Variants in CTNND2 observed in about 807,000 individuals in gnomAD.
The protein encoded by CTNND2 is catenin delta 2.
A neutral mutation model predicts 144.4 loss-of-function variants in CTNND2; 22 were observed. The ratio of observed to expected loss-of-function variants is 0.15; its 90% CI spans 0.11 to 0.22. CTNND2 has a LOEUF of 0.22. Ranked by LOEUF, CTNND2 falls within the 10% of genes least tolerant of loss-of-function variation. The pLI is 1.00. For synonymous variants in CTNND2, 751 were observed against 695.6 expected (o/e 1.08, Z -1.25); for missense variants, 1,353 against 1,618.8 (o/e 0.84, Z 2.82).
chr5:11,143,199 G>A (rs940268757), intron 12 of CTNND2, among the ~76,000 whole-genome samples: 19 of 152,254 alleles, frequency 1.2e-4, no homozygotes, highest in African/African-American at 4.6e-4. Context: ...TCTGGGAAAG[G>A]TGAACCTCTT....
chr5:11,711,668 A>G (rs1175895537), intron 2 of CTNND2, among the ~76,000 whole-genome samples: 1 of 152,230 alleles, frequency 6.6e-6, no homozygotes, highest in African/African-American at 2.4e-5. Context: ...AAACTGACGC[A>G]CAGAGAGGTT....
intron 3 of CTNND2, among the ~76,000 whole-genome samples, chr5:11,558,617 G>T (rs749977140): frequency 1.3e-5 from 2 of 152,096 alleles, no homozygotes; most frequent in South Asian, 4.1e-4. Flanking sequence ...CAATCCACCT[G>T]CTTTGGTCTC....
chr5:11,599,339 T>A (rs1473380537), intron 2 of CTNND2, among the ~76,000 whole-genome samples: 9 of 152,230 alleles, frequency 5.9e-5, no homozygotes, highest in Non-Finnish European at 8.8e-5. Flanking sequence ...GGAGGAAAGT[T>A]AACTATTCTA....
intron 2 of CTNND2, among the ~76,000 whole-genome samples, chr5:11,602,379 T>C (rs2126335283): frequency 6.6e-6 from 1 of 151,866 alleles, no homozygotes; most frequent in East Asian, 1.9e-4. Flanking sequence ...TTCAGGCAAG[T>C]TCCCCATGGA....
intron 11 of CTNND2, among the ~76,000 whole-genome samples, chr5:11,190,463 TCTAA>T (rs1304187223): frequency 6.6e-6 from 1 of 152,162 alleles, no homozygotes; most frequent in South Asian, 2.1e-4. Context: ...GGTAGATAAG[TCTAA>T]CTAATTCTGG....
chr5:11,830,856 T>C (rs538381615), intron 1 of CTNND2, among the ~76,000 whole-genome samples: 1 of 152,272 alleles, frequency 6.6e-6, no homozygotes, highest in Admixed American at 6.5e-5. Flanking sequence ...TCCACAGACC[T>C]CTGGAATCTT....
chr5:11,810,846 C>T (rs1029957700), intron 1 of CTNND2, among the ~76,000 whole-genome samples: 20 of 151,532 alleles, frequency 1.3e-4, no homozygotes, highest in African/African-American at 4.4e-4. Flanking sequence ...CACCTGGTGT[C>T]GGCACTTAAG....
At chr5:11,851,856 C>G (rs1020053805) in intron 1 of CTNND2, among the ~76,000 whole-genome samples, 2 of 152,178 alleles carry the variant, frequency 1.3e-5, no homozygotes, top group Non-Finnish European at 2.9e-5. Context: ...ATATTTTAAT[C>G]AGCAGTTAGG....
intron 2 of CTNND2, among the ~76,000 whole-genome samples, chr5:11,668,464 T>G (rs560104657): frequency 7.9e-5 from 12 of 152,376 alleles, no homozygotes; most frequent in Admixed American, 7.2e-4. Flanking sequence ...TAGTTCTCCT[T>G]GAAGAGGTCC....
At position 11,582,144 on chromosome 5, in the gene CTNND2, A is replaced by C. The variant is rs540124265; in HGVS notation, c.175-17088T>G. On this transcript the variant is annotated intron_variant, in intron 2 of 21. Coordinates refer to ENST00000304623, the MANE Select transcript of CTNND2 (RefSeq NM_001332.4). ...TGCATTACAGCTACAGTATACCCTA[A>C]CTTGGCACTGGGAAGCCCCTGTATG... is the stretch of plus-strand genomic sequence containing the variant. Among the ~76,000 whole-genome samples, 47 of 152,160 alleles carry C rather than the reference A, an allele frequency of 3.1e-4. 1 individual carries two copies. Among genetic ancestry groups the C allele is most frequent in the Non-Finnish European group, 6.3e-4 (43 of 68,022 alleles).
chr5:11,200,938 CA>C (rs1213322267), intron 10 of CTNND2, among the ~76,000 whole-genome samples: 1 of 152,190 alleles, frequency 6.6e-6, no homozygotes, highest in Non-Finnish European at 1.5e-5. Flanking sequence ...CTCAGCCTCC[CA>C]AAGTGTTGGG....
chr5:11,740,606 A>AT (rs1787946392), intron 1 of CTNND2, among the ~76,000 whole-genome samples: 1 of 152,208 alleles, frequency 6.6e-6, no homozygotes. Context: ...AACCTAGGCA[A>AT]TACCATTCAG....
chr5:11,341,740 GCTCATGCTTGCAA>G (rs373432649), intron 9 of CTNND2, among the ~76,000 whole-genome samples: 28 of 152,274 alleles, frequency 1.8e-4, no homozygotes, highest in African/African-American at 6.3e-4. Flanking sequence ...AGGCACTGTA[GCTCATGCTTGCAA>G]CTCCAACCCT....
At chr5:11,608,276 T>A (rs1780158931) in intron 2 of CTNND2, among the ~76,000 whole-genome samples, 1 of 152,200 alleles carries the variant, frequency 6.6e-6, no homozygotes, top group Non-Finnish European at 1.5e-5. Flanking sequence ...ATGCTGATGA[T>A]TTCCAAGGCT....
chr5:11,134,544 A>T (rs1755939628), intron 12 of CTNND2, among the ~76,000 whole-genome samples: 1 of 152,242 alleles, frequency 6.6e-6, no homozygotes, highest in Non-Finnish European at 1.5e-5. Context: ...AAACAAAAGG[A>T]AACCCACCAT....
chr5:11,083,132 C>T (rs61757062), intron 15 of CTNND2, among the ~76,000 whole-genome samples: 2 of 152,130 alleles, frequency 1.3e-5, no homozygotes, highest in Non-Finnish European at 2.9e-5. Context: ...TTGCGTGATG[C>T]GTATACTTGA....
At chr5:11,137,188 T>C (rs1490524487) in intron 12 of CTNND2, among the ~76,000 whole-genome samples, 3 of 152,266 alleles carry the variant, frequency 2.0e-5, no homozygotes, top group Non-Finnish European at 4.4e-5. Flanking sequence ...CTGGAGGAGC[T>C]GAATGACAGA....
At chr5:11,225,943 C>T (rs1561050435) in intron 10 of CTNND2, among the ~76,000 whole-genome samples, 1 of 152,158 alleles carries the variant, frequency 6.6e-6, no homozygotes, top group Non-Finnish European at 1.5e-5. Flanking sequence ...GAAAGAAACA[C>T]GCCTAGAGGA....
At chr5:11,219,819 G>C (rs1739601492) in intron 10 of CTNND2, among the ~76,000 whole-genome samples, 1 of 152,158 alleles carries the variant, frequency 6.6e-6, no homozygotes, top group South Asian at 2.1e-4. Context: ...AAGAACTTTG[G>C]AAATTATTCA....
Sources: gnomAD v4.1 joint callset for allele counts (sites outside exome capture counted in the v4.1 genomes callset) on GRCh38, gnomAD v4.1.1 for gene constraint, MANE v1.5 for transcripts, NCBI Gene and HGNC (gene_info 2026-07-23, HGNC 2026-07-21) for gene names.